Variants in RAB6A observed in about 807,000 individuals in gnomAD.
The protein encoded by RAB6A is ras-related protein Rab-6A.
In RAB6A, 8 loss-of-function variants were observed where a neutral mutation model predicts 32.3. That is an observed-to-expected ratio of 0.25 (90% confidence interval 0.15 to 0.45). The LOEUF (loss-of-function observed/expected upper bound fraction) is 0.45, where lower values mean the gene tolerates loss of function less well. RAB6A is among the 20% of genes least tolerant of loss of function. The pLI, the probability that RAB6A is intolerant of heterozygous loss-of-function variation, is 1.00. For synonymous variants in RAB6A, 73 were observed against 82.1 expected, an observed-to-expected ratio of 0.89 and a Z score of 0.60; for missense variants, 104 against 249.4, an observed-to-expected ratio of 0.42 and a Z score of 3.93.
intron 6 of RAB6A, among the ~76,000 whole-genome samples, chr11:73,699,407 TAC>T (rs1022012436): frequency 8.5e-5 from 13 of 152,174 alleles, no homozygotes; most frequent in African/African-American, 3.1e-4. Context: ...TAGCTGGGAC[TAC>T]AGACACTCAA....
chr11:73,696,456 A>T (rs550367181), intron 6 of RAB6A, among the ~76,000 whole-genome samples: 2 of 152,070 alleles, frequency 1.3e-5, no homozygotes, highest in African/African-American at 4.8e-5. Flanking sequence ...AGCCTCCCCA[A>T]GGTGTAGGGA....
At chr11:73,737,948 A>G (rs897305005) in intron 1 of RAB6A, among the ~76,000 whole-genome samples, 1 of 145,262 alleles carries the variant, frequency 6.9e-6, no homozygotes, top group Non-Finnish European at 1.5e-5. Flanking sequence ...GTGAGCCGAG[A>G]TCACACCATG....
At chr11:73,760,116 T>G (rs1231023492) in intron 1 of RAB6A, 1 of 1,291,962 alleles carries the variant, frequency 7.7e-7, no homozygotes, top group East Asian at 5.5e-5. Context: ...CCACCCTCCT[T>G]GGCCAAGGTT....
chr11:73,760,237 A>C, intron 1 of RAB6A: 2 of 722,426 alleles, frequency 2.8e-6, no homozygotes, highest in East Asian at 4.2e-5. Flanking sequence ...GGGCCGGGGT[A>C]CGGGCAATGA....
chr11:73,739,750 A>T (rs1045487345), intron 1 of RAB6A, among the ~76,000 whole-genome samples: 3 of 152,084 alleles, frequency 2.0e-5, no homozygotes, highest in Non-Finnish European at 4.4e-5. Context: ...TAAGACTGGT[A>T]TTTGCATAAA....
intron 5 of RAB6A, among the ~76,000 whole-genome samples, chr11:73,715,362 G>A (rs1253920302): frequency 6.6e-6 from 1 of 152,140 alleles, no homozygotes; most frequent in Non-Finnish European, 1.5e-5. Context: ...CTGACCTCGT[G>A]TTCCACCGTC....
chr11:73,733,300 A>G (rs1379265894), intron 1 of RAB6A, among the ~76,000 whole-genome samples: 1 of 152,084 alleles, frequency 6.6e-6, no homozygotes. Flanking sequence ...TGTAATCCCA[A>G]CACTTTGGGA....
chr11:73,760,811 C>G lies in RAB6A; in HGVS notation c.-176G>C. 1 of 839,434 alleles carries G rather than the reference C, an allele frequency of 1.2e-6. No homozygotes were observed. The allele number at this position is 839,434 out of a possible 1,614,324, so 52.0% of individuals were successfully genotyped here. A position where few individuals can be genotyped will look rare whatever the true frequency, so the allele number is the denominator to read the frequency against. Reference sequence around the variant, plus strand: ...AGCAGGACTCTCCACAGACTGGCAGCCGCCGCCGCCTCCCGGCAGAGTAGC... The same window carrying G: ...AGCAGGACTCTCCACAGACTGGCAGGCGCCGCCGCCTCCCGGCAGAGTAGC... On this transcript the variant is annotated 5_prime_UTR_variant, in exon 1 of 8. Transcript: ENST00000336083.
chr11:73,722,700 T>C (rs943014753), intron 2 of RAB6A: 2 of 152,116 alleles, frequency 1.3e-5, no homozygotes, highest in African/African-American at 4.8e-5. Context: ...TTTTTACATA[T>C]ATTCAAGAAT....
chr11:73,720,366 G>A (rs952812636), intron 3 of RAB6A, among the ~76,000 whole-genome samples: 13 of 151,592 alleles, frequency 8.6e-5, no homozygotes, highest in African/African-American at 3.2e-4. Flanking sequence ...ATTTTTAATA[G>A]AGATGGGGTT....
At chr11:73,700,599 A>AAGGGG (rs1555056742) in intron 6 of RAB6A, among the ~76,000 whole-genome samples, 1 of 8,438 alleles carries the variant, frequency 1.2e-4, no homozygotes, top group African/African-American at 6.4e-4. Context: ...AAAAAAAAAA[A>AAGGGG]GTGTGTGTGT....
chr11:73,698,288 T>C (rs1453769217), intron 6 of RAB6A, among the ~76,000 whole-genome samples: 3 of 152,020 alleles, frequency 2.0e-5, no homozygotes, highest in African/African-American at 4.8e-5. Context: ...AAAGGATAAA[T>C]TGGGGTGAGG....
chr11:73,705,796 G>GAT (rs1489278410), intron 6 of RAB6A, among the ~76,000 whole-genome samples: 64 of 151,204 alleles, frequency 4.2e-4, no homozygotes, highest in Non-Finnish European at 7.1e-4. Flanking sequence ...GAGAGAGAGA[G>GAT]AGAGAGATTT....
intron 1 of RAB6A, among the ~76,000 whole-genome samples, chr11:73,731,686 ATAT>A (rs1565369869): frequency 0.047 from 1,293 of 27,420 alleles, 98 homozygotes; most frequent in East Asian, 0.12. Flanking sequence ...GATAGATATT[ATAT>A]ATATATATAT....
chr11:73,739,308 TACTGGAACACCAAAG>T (rs1946458633), intron 1 of RAB6A, among the ~76,000 whole-genome samples: 1 of 73,784 alleles, frequency 1.4e-5, no homozygotes, highest in African/African-American at 4.8e-5. Flanking sequence ...TATATATAAA[TACTGGAACACCAAAG>T]ATAACTAAAA....
At chr11:73,750,528 G>GT (rs954886315) in intron 1 of RAB6A, among the ~76,000 whole-genome samples, 2 of 151,882 alleles carry the variant, frequency 1.3e-5, no homozygotes, top group African/African-American at 4.8e-5. Flanking sequence ...GCAAATTTTT[G>GT]TATTTTTAGT....
At chr11:73,684,602 T>C (rs528026284) in intron 6 of RAB6A, among the ~76,000 whole-genome samples, 1 of 152,328 alleles carries the variant, frequency 6.6e-6, no homozygotes, top group Non-Finnish European at 1.5e-5. Context: ...ATTGTAGTGA[T>C]CTAGAGCCAG....
chr11:73,748,315 G>A (rs1488375748), intron 1 of RAB6A, among the ~76,000 whole-genome samples: 1 of 152,160 alleles, frequency 6.6e-6, no homozygotes, highest in African/African-American at 2.4e-5. Context: ...AGGCCTCTAT[G>A]AGCAATTATG....
chr11:73,709,435 G>GTC, intron 5 of RAB6A, among the ~76,000 whole-genome samples: 1 of 79,970 alleles, frequency 1.3e-5, no homozygotes, highest in Non-Finnish European at 2.7e-5. Flanking sequence ...TTCTCCTTAA[G>GTC]TATATTATTA....
Sources: gnomAD v4.1 joint callset for allele counts (sites outside exome capture counted in the v4.1 genomes callset) on GRCh38, gnomAD v4.1.1 for gene constraint, MANE v1.5 for transcripts, NCBI Gene and HGNC (gene_info 2026-07-23, HGNC 2026-07-21) for gene names.